Variants in NFATC3 observed in about 807,000 individuals in gnomAD.
The protein encoded by NFATC3 is nuclear factor of activated T cells 3.
A neutral mutation model predicts 98.6 loss-of-function variants in NFATC3; 46 were observed. That is an observed-to-expected ratio of 0.47 (90% CI 0.37 to 0.60). The LOEUF (loss-of-function observed/expected upper bound fraction) is 0.60, where lower values mean the gene tolerates loss of function less well. Among genes scored for constraint, NFATC3 ranks in the 20% least tolerant of loss-of-function variants. NFATC3 has a pLI of 0.00. For synonymous variants in NFATC3, 512 were observed against 472.2 expected, an observed-to-expected ratio of 1.08 and a Z score of -1.09; for missense variants, 1,256 against 1,295.5, an observed-to-expected ratio of 0.97 and a Z score of 0.47.
At chr16:68,087,526 G>A (rs895846791) in intron 1 of NFATC3, among the ~76,000 whole-genome samples, 12 of 152,130 alleles carry the variant, frequency 7.9e-5, no homozygotes, top group African/African-American at 2.7e-4. Context: ...AATATTTTAA[G>A]CAGGTAATTT....
intron 1 of NFATC3, among the ~76,000 whole-genome samples, chr16:68,107,396 C>T (rs1433187030): frequency 1.3e-5 from 2 of 152,118 alleles, no homozygotes; most frequent in African/African-American, 4.8e-5. Context: ...ATCTCAGCCT[C>T]GCCAACATCT....
At chr16:68,128,729 G>A (rs371107004) in intron 3 of NFATC3, among the ~76,000 whole-genome samples, 34 of 152,218 alleles carry the variant, frequency 2.2e-4, no homozygotes, top group African/African-American at 7.2e-4. Flanking sequence ...CTTAAGGATC[G>A]CTTGAGGCCA....
At chr16:68,177,811 G>A (rs1307798777) in intron 6 of NFATC3, among the ~76,000 whole-genome samples, 2 of 151,724 alleles carry the variant, frequency 1.3e-5, no homozygotes, top group African/African-American at 4.8e-5. Context: ...TTAAGCTTTT[G>A]TTTCATTTCT....
At chr16:68,120,714 CAG>C (rs1192180233) in intron 1 of NFATC3, among the ~76,000 whole-genome samples, 1 of 151,658 alleles carries the variant, frequency 6.6e-6, no homozygotes, top group African/African-American at 2.4e-5. Context: ...GCCTGGGCGA[CAG>C]AGCAAGACTC....
rs1364350156 is a variant in NFATC3 at position 68,105,950 on chromosome 16, C to T, written c.104-16037C>T. On this transcript the variant is annotated intron_variant, in intron 1 of 9. Coordinates refer to ENST00000346183, the MANE Select transcript of NFATC3 (RefSeq NM_173165.3). The stretch of plus-strand genomic sequence containing the variant: ...CTAGAGTGCAGTGGAGCAATCTTGG[C>T]TCACTGCAGCCTCCGCTTCCTGGGT... Among the ~76,000 whole-genome samples, 3 of 152,028 alleles carry T rather than the reference C, an allele frequency of 2.0e-5. No individual in the cohort carries two copies. In the East Asian group the frequency reaches 5.8e-4, roughly 29 times the overall value.
chr16:68,128,646 A>AAAAAAC (rs1416071691), intron 3 of NFATC3, among the ~76,000 whole-genome samples: 1 of 152,178 alleles, frequency 6.6e-6, no homozygotes, highest in Admixed American at 6.6e-5. Context: ...TAAAAGATTA[A>AAAAAAC]AAAAACAAAA....
intron 4 of NFATC3, among the ~76,000 whole-genome samples, chr16:68,159,030 C>T (rs1191941004): frequency 6.6e-6 from 1 of 152,186 alleles, no homozygotes; most frequent in African/African-American, 2.4e-5. Flanking sequence ...TCAGGAATTT[C>T]AGACCAGCCT....
intron 7 of NFATC3, among the ~76,000 whole-genome samples, chr16:68,182,652 C>T (rs1407354775): frequency 6.6e-6 from 1 of 151,854 alleles, no homozygotes; most frequent in Non-Finnish European, 1.5e-5. Context: ...TCCTGAGTAG[C>T]TGGGACTACA....
Position 68,190,908 on chromosome 16 carries a change from T to A in NFATC3, c.2239T>A (p.Leu747Met), listed in dbSNP as rs1056828418. 6.2e-7 allele frequency: 1 copy of A among 1,614,086 alleles called. No homozygotes were observed. The highest frequency in any genetic ancestry group is 8.5e-7 in the Non-Finnish European group (1 of 1,180,040). The change falls in exon 9 of 10, where the codon TTG becomes ATG. Residue 747 changes from leucine (L) to methionine (M), a missense_variant. By Grantham distance (15) the Leu-to-Met change is conservative. Coordinates refer to ENST00000346183, the MANE Select transcript of NFATC3 (RefSeq NM_173165.3). ...HDSVLSGQRS[L>M]ICSIPQTYAS... ...CAGTGTACTGTCAGGACAGAGAAGT[T>A]TGATTTGCTCCATCCCACAAACATA...
intron 5 of NFATC3, among the ~76,000 whole-genome samples, chr16:68,168,555 G>A (rs1261838811): frequency 6.6e-6 from 1 of 151,292 alleles, no homozygotes; most frequent in African/African-American, 2.4e-5. Context: ...GCACGATCTT[G>A]GCTCACTGCA....
intron 1 of NFATC3, among the ~76,000 whole-genome samples, chr16:68,092,301 C>T (rs747284386): frequency 3.3e-5 from 5 of 150,942 alleles, no homozygotes; most frequent in Non-Finnish European, 7.4e-5. Context: ...ACTAAAAATA[C>T]AAAAAATTAG....
chr16:68,218,534 G>C (rs1598624551), intron 9 of NFATC3, among the ~76,000 whole-genome samples: 1 of 142,104 alleles, frequency 7.0e-6, no homozygotes, highest in Admixed American at 7.0e-5. Flanking sequence ...AAAAAAAAAA[G>C]GTGAATTCAG....
In NFATC3 at chr16:68,202,388, AAC is replaced by A. The variant is rs2040963061; in HGVS notation, c.3106+10617_3106+10618del. On this transcript the variant is annotated intron_variant, in intron 9 of 9. Transcript: ENST00000346183. ...GCTTTTTAAAATCAAGGGAATGATAAACACAACATTCAGGTGGTTACTTGGAT... is the reference window on the plus strand; with the variant it reads ...GCTTTTTAAAATCAAGGGAATGATAAACAACATTCAGGTGGTTACTTGGAT... Among the ~76,000 whole-genome samples, 5 of 152,298 alleles carry A rather than the reference AAC, an allele frequency of 3.3e-5. No homozygotes were observed. The South Asian group carries it at 1.0e-3, about 32-fold the overall frequency.
At position 68,157,227 on chromosome 16, in the gene NFATC3, T is replaced by C. The variant is rs186448649; in HGVS notation, c.1402-642T>C. Among the ~76,000 whole-genome samples, 140 of 152,002 alleles carry C rather than the reference T, an allele frequency of 9.2e-4. 1 individual carries two copies. Among genetic ancestry groups the C allele is most frequent in the African/African-American group, 2.9e-3 (122 of 41,476 alleles). ...GTCTCTGTCTCTCTCTCCTTCTCCT[T>C]CTCTCCCTCTCTCCCTCTTTCTCTT... is the stretch of plus-strand genomic sequence containing the variant. On this transcript the variant is annotated intron_variant, in intron 3 of 9. Transcript: ENST00000346183.
chr16:68,133,994 A>G (rs568941144), intron 3 of NFATC3, among the ~76,000 whole-genome samples: 4 of 152,298 alleles, frequency 2.6e-5, no homozygotes, highest in South Asian at 2.1e-4. Context: ...TATACTCCCA[A>G]TCAGCCATAT....
At chr16:68,139,407 GA>G (rs1290472726) in intron 3 of NFATC3, among the ~76,000 whole-genome samples, 1 of 152,168 alleles carries the variant, frequency 6.6e-6, no homozygotes, top group East Asian at 1.9e-4. Context: ...CACTGATGAA[GA>G]GTATGTAGCA....
At chr16:68,155,278 G>C (rs890807680) in intron 3 of NFATC3, among the ~76,000 whole-genome samples, 2 of 152,282 alleles carry the variant, frequency 1.3e-5, no homozygotes, top group Admixed American at 6.5e-5. Flanking sequence ...CAGGAGAACT[G>C]AGACCCCCCT....
chr16:68,117,263 T>C (rs1262131714), intron 1 of NFATC3, among the ~76,000 whole-genome samples: 2 of 152,228 alleles, frequency 1.3e-5, no homozygotes, highest in Non-Finnish European at 2.9e-5. Flanking sequence ...GCTACCATCA[T>C]AATTCAACAG....
At chr16:68,181,784 A>G (rs1362514601) in intron 7 of NFATC3, among the ~76,000 whole-genome samples, 2 of 152,020 alleles carry the variant, frequency 1.3e-5, no homozygotes, top group African/African-American at 2.4e-5. Context: ...AAAATTAGCC[A>G]TGCGTGGTGA....
Sources: allele counts gnomAD v4.1 joint callset (sites outside exome capture counted in the v4.1 genomes callset), GRCh38; gene constraint gnomAD v4.1.1; transcripts MANE v1.5; gene names NCBI Gene and HGNC (gene_info 2026-07-23, HGNC 2026-07-21).